Variants in EPHA5 observed in about 807,000 individuals in gnomAD.
EPHA5 encodes ephrin type-A receptor 5.
In EPHA5, 60 loss-of-function variants were observed where a neutral mutation model predicts 105.0. The observed-to-expected ratio is 0.57, with a 90% CI of 0.46 to 0.71. The LOEUF is 0.71. EPHA5 is among the 30% of genes least tolerant of loss of function. EPHA5 has a pLI of 0.00. For synonymous variants in EPHA5, 513 were observed against 449.1 expected (o/e 1.14, Z -1.80); for missense variants, 1,218 against 1,274.7 (o/e 0.96, Z 0.68).
At chr4:65,459,645 G>A (rs970437219) in intron 5 of EPHA5, among the ~76,000 whole-genome samples, 2 of 151,418 alleles carry the variant, frequency 1.3e-5, no homozygotes, top group African/African-American at 4.8e-5. Context: ...AACATATATA[G>A]AGTAATAATA....
intron 7 of EPHA5, among the ~76,000 whole-genome samples, chr4:65,409,588 A>C (rs1442540883): frequency 6.6e-6 from 1 of 152,148 alleles, no homozygotes; most frequent in Admixed American, 6.5e-5. Context: ...ATATGTGTGA[A>C]GAGTTCATCA....
intron 3 of EPHA5, among the ~76,000 whole-genome samples, chr4:65,497,087 A>T (rs528682987): frequency 6.6e-6 from 1 of 152,248 alleles, no homozygotes; most frequent in African/African-American, 2.4e-5. Context: ...TGATGGTTTG[A>T]GTGCTTTGTA....
At chr4:65,632,050 G>A (rs181597922) in intron 2 of EPHA5, among the ~76,000 whole-genome samples, 43 of 152,060 alleles carry the variant, frequency 2.8e-4, no homozygotes, top group African/African-American at 9.9e-4. Flanking sequence ...CTGCATCACT[G>A]ACTCATTGTA....
At position 65,348,223 on chromosome 4, in the gene EPHA5, A is replaced by T. The variant is rs780884697; in HGVS notation, c.2446-20T>A. The T allele has an allele frequency of 1.7e-4, 273 of 1,605,754 alleles. No homozygotes were observed. In the Middle Eastern group the frequency reaches 2.8e-3, roughly 17 times the overall value. ...TCCTCCCTAAAATTGAAAAAGATTT[A>T]AAAAACTTCCTACATACTTCAAATG... On this transcript the variant is annotated intron_variant, in intron 13 of 16. Coordinates refer to ENST00000613740, the MANE Select transcript of EPHA5 (RefSeq NM_001281766.3).
chr4:65,490,467 T>C lies in EPHA5; in HGVS notation c.1312A>G (p.Thr438Ala), dbSNP rs2149212681. 3.1e-6 allele frequency: 5 copies of C among 1,614,082 alleles called. No individual in the cohort carries two copies. The highest frequency in any genetic ancestry group is 4.2e-6 in the Non-Finnish European group (5 of 1,180,008). ...CCATTCACTGCCTCAATCTCAAAGG[T>C]ATAGTTTGTGTGAGCGAGTAGATCC... ...MVDLLAHTNY[T>A]FEIEAVNGVS... is the part of the protein sequence containing the mutation. The change falls in exon 5 of 17, where the codon ACC becomes GCC. Residue 438 changes from threonine to alanine, a missense_variant. Coordinates refer to ENST00000613740, the MANE Select transcript of EPHA5 (RefSeq NM_001281766.3).
chr4:65,634,582 T>C (rs1242740544), intron 2 of EPHA5, among the ~76,000 whole-genome samples: 1 of 152,078 alleles, frequency 6.6e-6, no homozygotes, highest in African/African-American at 2.4e-5. Flanking sequence ...AGATGGGGTA[T>C]GCTTTTTATT....
chr4:65,557,836 T>A (rs1459963487), intron 3 of EPHA5, among the ~76,000 whole-genome samples: 1 of 151,972 alleles, frequency 6.6e-6, no homozygotes, highest in Non-Finnish European at 1.5e-5. Context: ...GTTCCCAACA[T>A]TAATGATTGG....
In EPHA5 at chr4:65,419,398, A is replaced by C. The variant is rs370768757; in HGVS notation, c.1527+1043T>G. Among the ~76,000 whole-genome samples, 17 of 152,266 alleles carry C rather than the reference A, an allele frequency of 1.1e-4. No homozygotes were observed. In the South Asian group the frequency reaches 3.3e-3, roughly 30 times the overall value. On this transcript the variant is annotated intron_variant, in intron 6 of 16. Transcript: ENST00000613740. ...CCTTTTACTCTTCCAGAAAAAACGA[A>C]GGAGTGATGTCTCTGTGAGTCTGGA...
At chr4:65,633,183 C>T (rs1746805710) in intron 2 of EPHA5, among the ~76,000 whole-genome samples, 1 of 152,086 alleles carries the variant, frequency 6.6e-6, no homozygotes, top group Admixed American at 6.6e-5. Flanking sequence ...AGAGGAGTCT[C>T]TCTTCCCCTG....
chr4:65,639,935 C>G (rs569161118), intron 2 of EPHA5, among the ~76,000 whole-genome samples: 4 of 152,236 alleles, frequency 2.6e-5, no homozygotes, highest in African/African-American at 9.6e-5. Context: ...GGTTCTATCT[C>G]TTTATTGATA....
At chr4:65,427,318 G>A (rs777000163) in intron 5 of EPHA5, among the ~76,000 whole-genome samples, 6 of 151,064 alleles carry the variant, frequency 4.0e-5, no homozygotes, top group African/African-American at 9.7e-5. Context: ...CCGAGTAGCT[G>A]GGGTTAAGGC....
chr4:65,352,920 A>G (rs1722955739), intron 12 of EPHA5, 122 bp downstream of exon 12: 1 of 463,420 alleles, frequency 2.2e-6, no homozygotes, highest in Non-Finnish European at 3.8e-6. Flanking sequence ...TTTCTGTTCT[A>G]TTAAAAACTT....
intron 3 of EPHA5, among the ~76,000 whole-genome samples, chr4:65,509,219 C>G (rs1254832066): frequency 6.6e-6 from 1 of 152,094 alleles, no homozygotes; most frequent in African/African-American, 2.4e-5. Context: ...CTCAAAATAA[C>G]TTGGCAAAGA....
chr4:65,537,849 A>G (rs6551933), intron 3 of EPHA5, among the ~76,000 whole-genome samples: 76,588 of 151,388 alleles, frequency 0.51, 19,665 homozygotes, highest in Non-Finnish European at 0.53. Flanking sequence ...TCCCCATACA[A>G]TAATACACAT....
At chr4:65,373,478 C>T (rs10033587) in intron 8 of EPHA5, among the ~76,000 whole-genome samples, 8,320 of 151,742 alleles carry the variant, frequency 0.055, 428 homozygotes, top group African/African-American at 0.13. Flanking sequence ...AAATAAAAAT[C>T]TTCTCATTTC....
chr4:65,420,586 G>A, intron 5 of EPHA5, 21 bp from the exon 6 acceptor site: 1 of 1,608,078 alleles, frequency 6.2e-7, no homozygotes, highest in Non-Finnish European at 8.5e-7. Flanking sequence ...GTTTAAATAA[G>A]GAGCAGTATG....
chr4:65,595,089 GTTTCCCATACT>G (rs1393443111), intron 3 of EPHA5, among the ~76,000 whole-genome samples: 5 of 147,836 alleles, frequency 3.4e-5, no homozygotes, highest in African/African-American at 1.3e-4. Flanking sequence ...TTGCTGTACT[GTTTCCCATACT>G]TTTCACAGTT....
At chr4:65,484,840 G>A (rs944037116) in intron 5 of EPHA5, among the ~76,000 whole-genome samples, 1 of 151,554 alleles carries the variant, frequency 6.6e-6, no homozygotes, top group African/African-American at 2.4e-5. Context: ...AGAAATTTCA[G>A]AGTAACTGTT....
chr4:65,551,510 C>A (rs138897854), intron 3 of EPHA5, among the ~76,000 whole-genome samples: 223 of 152,188 alleles, frequency 1.5e-3, no homozygotes, highest in African/African-American at 5.2e-3. Context: ...ATATTTCCTT[C>A]TTTCTAATTT....
Sources: allele counts gnomAD v4.1 joint callset (sites outside exome capture counted in the v4.1 genomes callset), GRCh38; gene constraint gnomAD v4.1.1; transcripts MANE v1.5; gene names NCBI Gene and HGNC (gene_info 2026-07-23, HGNC 2026-07-21).